Variants in ROBO2 observed in about 807,000 individuals in gnomAD.
The protein encoded by ROBO2 is roundabout homolog 2.
A neutral mutation model predicts 160.8 loss-of-function variants in ROBO2; 53 were observed. The ratio of observed to expected loss-of-function variants is 0.33; its 90% CI spans 0.26 to 0.41. ROBO2 has a LOEUF of 0.41. Ranked by LOEUF, ROBO2 falls within the 10% of genes least tolerant of loss-of-function variation. The pLI, the probability that ROBO2 is intolerant of heterozygous loss-of-function variation, is 1.00. For synonymous variants in ROBO2, 664 were observed against 611.7 expected (o/e 1.09, Z -1.26); for missense variants, 1,577 against 1,722.4 (o/e 0.92, Z 1.49).
At chr3:77,178,198 A>T (rs2080344410) in intron 2 of ROBO2, among the ~76,000 whole-genome samples, 1 of 152,034 alleles carries the variant, frequency 6.6e-6, no homozygotes, top group Admixed American at 6.6e-5. Context: ...GATGAAGACA[A>T]TGGAGAAGAG....
At chr3:77,064,521 C>T (rs967858682) in intron 1 of ROBO2, among the ~76,000 whole-genome samples, 4 of 151,960 alleles carry the variant, frequency 2.6e-5, no homozygotes, top group African/African-American at 9.7e-5. Flanking sequence ...CCACCATGCC[C>T]AGCTAACTTT....
chr3:76,461,928 G>A (rs2078107063), intron 2 of ROBO2, among the ~76,000 whole-genome samples: 1 of 152,028 alleles, frequency 6.6e-6, no homozygotes, highest in African/African-American at 2.4e-5. Flanking sequence ...TTTAACGTAA[G>A]CATAACGTAA....
At chr3:76,702,744 G>A (rs1409702436) in intron 2 of ROBO2, among the ~76,000 whole-genome samples, 1 of 151,816 alleles carries the variant, frequency 6.6e-6, no homozygotes, top group Non-Finnish European at 1.5e-5. Context: ...AATAAAGGAA[G>A]AAAGAGAAAG....
At chr3:76,247,099 A>G (rs1576078913) in intron 2 of ROBO2, among the ~76,000 whole-genome samples, 1 of 151,528 alleles carries the variant, frequency 6.6e-6, no homozygotes, top group Non-Finnish European at 1.5e-5. Flanking sequence ...TTGAAGAGAA[A>G]CATCGTTTCC....
rs61731263 is a variant in ROBO2 at position 77,568,407 on chromosome 3, T to C, written c.1944T>C (p.Thr648=). ...GTCTTCATAATCCAGTTGTGCTGACTCCCACCACGGTTCAGGTCACATGGA... is the reference window on the plus strand; with the variant it reads ...GTCTTCATAATCCAGTTGTGCTGACCCCCACCACGGTTCAGGTCACATGGA... The change falls in exon 13 of 26, where the codon ACT becomes ACC. Residue 648 remains threonine (T), a synonymous_variant. Coordinates refer to ENST00000461745, the Ensembl canonical transcript of ROBO2. The C allele has an allele frequency of 4.8e-4, 779 of 1,612,932 alleles. 1 individual carries two copies. The African/African-American group carries it at 6.3e-3, about 13-fold the overall frequency.
At chr3:77,439,840 C>T (rs916586318) in intron 2 of ROBO2, among the ~76,000 whole-genome samples, 1 of 152,020 alleles carries the variant, frequency 6.6e-6, no homozygotes, top group East Asian at 1.9e-4. Context: ...TACATTCTAA[C>T]GTGTTTTAGC....
At chr3:76,376,558 A>G (rs2076354358) in intron 2 of ROBO2, among the ~76,000 whole-genome samples, 1 of 152,130 alleles carries the variant, frequency 6.6e-6, no homozygotes. Flanking sequence ...TCCATTATCT[A>G]GCAATATTAC....
intron 2 of ROBO2, among the ~76,000 whole-genome samples, chr3:76,502,402 G>T (rs1400765802): frequency 6.6e-6 from 1 of 152,118 alleles, no homozygotes; most frequent in Non-Finnish European, 1.5e-5. Flanking sequence ...AAGTATAAAT[G>T]CACTGTGCAC....
intron 2 of ROBO2, among the ~76,000 whole-genome samples, chr3:76,232,868 C>A (rs1385215960): frequency 6.6e-6 from 1 of 152,160 alleles, no homozygotes; most frequent in Non-Finnish European, 1.5e-5. Flanking sequence ...TATAGCCCAG[C>A]CTTTTATCTC....
At chr3:77,412,643 A>G (rs2076893928) in intron 2 of ROBO2, among the ~76,000 whole-genome samples, 2 of 152,346 alleles carry the variant, frequency 1.3e-5, no homozygotes, top group Admixed American at 6.5e-5. Flanking sequence ...AGCCAAGCCC[A>G]GTGTTCTCTG....
chr3:76,847,836 G>T (rs1163412802), intron 2 of ROBO2, among the ~76,000 whole-genome samples: 1 of 151,772 alleles, frequency 6.6e-6, no homozygotes, highest in Non-Finnish European at 1.5e-5. Context: ...TTATTTCTTA[G>T]CAAGAATTGT....
intron 2 of ROBO2, among the ~76,000 whole-genome samples, chr3:77,187,392 C>G (rs1399423309): frequency 6.6e-6 from 1 of 151,776 alleles, no homozygotes; most frequent in African/African-American, 2.4e-5. Context: ...CCCAATTGTA[C>G]CAAAACTTTG....
At chr3:77,062,567 G>T (rs2149779319) in intron 1 of ROBO2, among the ~76,000 whole-genome samples, 1 of 152,216 alleles carries the variant, frequency 6.6e-6, no homozygotes, top group East Asian at 1.9e-4. Flanking sequence ...TTCTCCCAGA[G>T]GTCATGATTG....
At chr3:76,240,463 A>G (rs144514532) in intron 2 of ROBO2, among the ~76,000 whole-genome samples, 5,157 of 152,282 alleles carry the variant, frequency 0.034, 108 homozygotes, top group South Asian at 0.078. Flanking sequence ...GATTTTTATG[A>G]TAAAACTAGT....
At chr3:77,378,990 C>T (rs1466768751) in intron 2 of ROBO2, among the ~76,000 whole-genome samples, 4 of 151,732 alleles carry the variant, frequency 2.6e-5, no homozygotes, top group Non-Finnish European at 1.5e-5. Flanking sequence ...TCTTGTTGCC[C>T]AGGCTGGAGT....
intron 2 of ROBO2, among the ~76,000 whole-genome samples, chr3:77,217,259 C>T (rs1212831757): frequency 6.6e-6 from 1 of 152,114 alleles, no homozygotes; most frequent in Non-Finnish European, 1.5e-5. Context: ...TCTCCTACCT[C>T]AGCCTCCCAA....
chr3:76,805,632 AT>A lies in ROBO2; in HGVS notation c.110-292374del, dbSNP rs538138115. ...GATCAGAAAAGCGATATAAAGCTCTATTTTTTTTGTTCATGAGCCTCTTAAT... is the reference window on the plus strand; with the variant it reads ...GATCAGAAAAGCGATATAAAGCTCTATTTTTTTGTTCATGAGCCTCTTAAT... On this transcript the variant is annotated intron_variant, in intron 2 of 26. Transcript: ENST00000487694. Among the ~76,000 whole-genome samples, 216 of 150,856 alleles carry A rather than the reference AT, an allele frequency of 1.4e-3. 1 individual carries two copies. Among genetic ancestry groups the A allele is most frequent in the African/African-American group, 5.1e-3 (211 of 41,162 alleles).
At chr3:76,923,744 C>T (rs1175666023) in intron 2 of ROBO2, among the ~76,000 whole-genome samples, 3 of 152,194 alleles carry the variant, frequency 2.0e-5, no homozygotes, top group Non-Finnish European at 2.9e-5. Flanking sequence ...GTGCTGACAG[C>T]CTGAAACTGA....
In ROBO2 at chr3:77,023,230, C is replaced by T. The variant is rs1387158970; in HGVS notation, c.110-74784C>T. ...CGGGGGTTACTGCTTTTGTCTTCTT[C>T]GTTTTTCTCTTGCTGCCACCATGTA... is the stretch of plus-strand genomic sequence containing the variant. On this transcript the variant is annotated intron_variant, in intron 2 of 26. Transcript: ENST00000487694. Among the ~76,000 whole-genome samples, 4 of 152,170 alleles carry T rather than the reference C, an allele frequency of 2.6e-5. No individual in the cohort carries two copies. In the South Asian group the frequency reaches 6.2e-4, roughly 24 times the overall value.
Sources: allele counts gnomAD v4.1 joint callset (sites outside exome capture counted in the v4.1 genomes callset), GRCh38; gene constraint gnomAD v4.1.1; transcripts MANE v1.5; gene names NCBI Gene and HGNC (gene_info 2026-07-23, HGNC 2026-07-21).